Variants in APC observed in about 807,000 individuals in gnomAD.
APC encodes APC regulator of Wnt signaling pathway.
A neutral mutation model predicts 247.0 loss-of-function variants in APC; 72 were observed. That is an observed-to-expected ratio of 0.29 (90% CI 0.24 to 0.35). The LOEUF (loss-of-function observed/expected upper bound fraction) is 0.35, where lower values mean the gene tolerates loss of function less well. APC is among the 10% of genes least tolerant of loss of function. The probability of loss-of-function intolerance (pLI) is 1.00; values close to 1 mark genes in which losing one functional copy is unlikely to be tolerated. For missense variants in APC, 3,400 were observed against 3,360.7 expected, an observed-to-expected ratio of 1.01 and a Z score of -0.29; for synonymous variants, 1,254 against 1,162.5, an observed-to-expected ratio of 1.08 and a Z score of -1.60.
At chr5:112,740,167 G>A (rs1752826008) in intron 1 of APC, among the ~76,000 whole-genome samples, 1 of 152,120 alleles carries the variant, frequency 6.6e-6, no homozygotes, top group Non-Finnish European at 1.5e-5. Context: ...ATATAAGAAT[G>A]CTTTAAAAAA....
chr5:112,765,729 A>G lies in APC; in HGVS notation c.136-597A>G, dbSNP rs540524545. ...AACTGGTAGAAAATGAAAATTTCCA[A>G]CATTCTTTGAGAAAAAATGATCAAG... is the stretch of plus-strand genomic sequence containing the variant. On this transcript the variant is annotated intron_variant, in intron 2 of 15. Transcript: ENST00000257430. 2.4e-4 allele frequency among the ~76,000 whole-genome samples: 36 copies of G among 152,298 alleles called. No homozygotes were observed. In the South Asian group the frequency reaches 7.0e-3, roughly 30 times the overall value.
chr5:112,814,967 C>T (rs892877703), intron 8 of APC, among the ~76,000 whole-genome samples: 4 of 152,188 alleles, frequency 2.6e-5, no homozygotes, highest in Non-Finnish European at 5.9e-5. Context: ...CCTGTTTTCC[C>T]TCAGTGTTTT....
At chr5:112,730,092 C>A (rs1752023170) in intron 1 of APC, among the ~76,000 whole-genome samples, 1 of 152,118 alleles carries the variant, frequency 6.6e-6, no homozygotes, top group South Asian at 2.1e-4. Context: ...AGATATTTTC[C>A]AGAGAGATCT....
At chr5:112,833,041 T>G (rs57661818) in intron 14 of APC, among the ~76,000 whole-genome samples, 4,479 of 143,822 alleles carry the variant, frequency 0.031, 232 homozygotes, top group African/African-American at 0.11. Flanking sequence ...TTTTTTTTTT[T>G]GCTTTTGCTT....
chr5:112,755,769 C>G (rs751234401), intron 2 of APC, among the ~76,000 whole-genome samples: 11 of 152,160 alleles, frequency 7.2e-5, no homozygotes, highest in Non-Finnish European at 1.6e-4. Flanking sequence ...GGCAGATTCT[C>G]TTCTGACTGA....
chr5:112,827,056 G>A (rs2149807888), intron 11 of APC, 52 bp from the exon 12 acceptor site: 1 of 1,596,196 alleles, frequency 6.3e-7, no homozygotes, highest in Non-Finnish European at 8.6e-7. Flanking sequence ...CTTGGTACCA[G>A]TTTGTTTTAT....
Position 112,834,554 on chromosome 5 carries a change from C to G in APC, c.1744-397C>G, listed in dbSNP as rs577437116. On this transcript the variant is annotated intron_variant, in intron 14 of 15. Transcript: ENST00000257430. Reference sequence around the variant, plus strand: ...CACTGTGCCCGGCCACATGCCGGGCCTTAATCCACTTCCTGTTCACTTTTT... The same window carrying G: ...CACTGTGCCCGGCCACATGCCGGGCGTTAATCCACTTCCTGTTCACTTTTT... 6.6e-5 allele frequency among the ~76,000 whole-genome samples: 10 copies of G among 152,176 alleles called. No homozygotes were observed. The East Asian group carries it at 1.9e-3, about 29-fold the overall frequency.
At chr5:112,804,838 A>G (rs958762953) in intron 8 of APC, among the ~76,000 whole-genome samples, 6 of 152,118 alleles carry the variant, frequency 3.9e-5, no homozygotes, top group Admixed American at 3.9e-4. Flanking sequence ...TGCAAAAAAA[A>G]ATAAAAATTA....
upstream of APC, among the ~76,000 whole-genome samples, chr5:112,735,883 T>A (rs1163632934): frequency 6.6e-6 from 1 of 152,208 alleles, no homozygotes; most frequent in Non-Finnish European, 1.5e-5. Context: ...CTGATGAATA[T>A]CTATGATACA....
chr5:112,834,953 A>G lies in APC; in HGVS notation c.1746A>G (p.Glu582=), dbSNP rs876658969. ...LMECALEVKK[E]STLKSVLSAL... The stretch of plus-strand genomic sequence containing the variant: ...ACCCATATTCTGTTTCTTACTAGGA[A>G]TCAACCCTCAAAAGCGTATTGAGTG... Residue 582 remains glutamate, a splice_region_variant and synonymous_variant, in exon 15 of 16, where the codon GAA becomes GAG. Coordinates refer to ENST00000257430, the MANE Select transcript of APC (RefSeq NM_000038.6). 3.1e-6 allele frequency: 5 copies of G among 1,613,712 alleles called. No homozygotes were observed. In the African/African-American group the frequency reaches 4.0e-5, roughly 13 times the overall value.
rs1763196296 is a variant in APC at position 112,822,005 on chromosome 5, G to A, written c.1408+14G>A. 2 of 1,528,930 alleles carry A rather than the reference G, an allele frequency of 1.3e-6. No individual in the cohort carries two copies. The highest frequency in any genetic ancestry group is 1.4e-5 in the African/African-American group (1 of 73,292). The allele number at this position is 1,528,930 out of a possible 1,614,324, so 94.7% of individuals were successfully genotyped here. A position where few individuals can be genotyped will look rare whatever the true frequency, so the allele number is the denominator to read the frequency against. ...TGAATGAACTAGGTAAGACAAAAAT[G>A]TTTTTTAATGACATAGACAATTACT... On this transcript the variant is annotated intron_variant, in intron 11 of 15. Transcript: ENST00000257430.
At chr5:112,805,080 G>T (rs1441971383) in intron 8 of APC, among the ~76,000 whole-genome samples, 1 of 151,670 alleles carries the variant, frequency 6.6e-6, no homozygotes, top group African/African-American at 2.4e-5. Flanking sequence ...TATGCATAGA[G>T]AAATGTGTGG....
intron 1 of APC, among the ~76,000 whole-genome samples, chr5:112,744,638 A>G (rs1753431961): frequency 6.6e-6 from 1 of 152,196 alleles, no homozygotes; most frequent in South Asian, 2.1e-4. Flanking sequence ...AGGATATATT[A>G]TAACAGCAGA....
chr5:112,814,477 C>T (rs1196764473), intron 8 of APC, among the ~76,000 whole-genome samples: 1 of 152,142 alleles, frequency 6.6e-6, no homozygotes, highest in African/African-American at 2.4e-5. Context: ...ACTCCCAGCC[C>T]CTCTTTACTC....
chr5:112,718,416 A>G (rs1311762413), intron 1 of APC, among the ~76,000 whole-genome samples: 2 of 152,184 alleles, frequency 1.3e-5, no homozygotes, highest in Admixed American at 1.3e-4. Flanking sequence ...ACTTCAGTCC[A>G]TGGTTTCCTT....
rs1273014283 is a variant in APC, at chr5:112,844,615, C to T, written c.*489C>T. 2.1e-5 allele frequency: 5 copies of T among 233,964 alleles called. No individual in the cohort carries two copies. Among genetic ancestry groups the T allele is most frequent in the Non-Finnish European group, 4.2e-5 (5 of 118,604 alleles). 14.5% of individuals were successfully genotyped at this position (233,964 alleles called of 1,614,324 possible). On this transcript the variant is annotated 3_prime_UTR_variant, in exon 16 of 16. Coordinates refer to ENST00000257430, the MANE Select transcript of APC (RefSeq NM_000038.6). ...GTGAAATTCACAGTAATATGGTTCC[C>T]GATGAACAAGTTTACCCAGCCTGCT...
At chr5:112,835,906 C>G (rs977336086) in intron 15 of APC, among the ~76,000 whole-genome samples, 1 of 151,230 alleles carries the variant, frequency 6.6e-6, no homozygotes, top group South Asian at 2.1e-4. Flanking sequence ...AACAGCCATT[C>G]ATCCAATCTG....
At chr5:112,718,537 C>T (rs879530163) in intron 1 of APC, among the ~76,000 whole-genome samples, 3 of 152,182 alleles carry the variant, frequency 2.0e-5, no homozygotes, top group Non-Finnish European at 4.4e-5. Flanking sequence ...TGGCTTTGGT[C>T]CCCTGTGCCT....
chr5:112,803,227 A>G (rs1290293581), intron 8 of APC, among the ~76,000 whole-genome samples: 1 of 152,192 alleles, frequency 6.6e-6, no homozygotes, highest in Non-Finnish European at 1.5e-5. Context: ...TGCATCTAGC[A>G]TTATTTATAA....
Sources: gnomAD v4.1 joint callset for allele counts (sites outside exome capture counted in the v4.1 genomes callset) on GRCh38, gnomAD v4.1.1 for gene constraint, MANE v1.5 for transcripts, NCBI Gene and HGNC (gene_info 2026-07-23, HGNC 2026-07-21) for gene names.